The following CNTN1 variants were observed in gnomAD, a reference collection of about 807,000 sequenced individuals.
CNTN1 encodes the protein contactin 1.
Under a neutral mutation model 126.4 loss-of-function variants are expected in CNTN1, and 38 were observed. The ratio of observed to expected loss-of-function variants is 0.30; its 90% CI spans 0.23 to 0.39. CNTN1 has a LOEUF of 0.39. Among genes scored for constraint, CNTN1 ranks in the 10% least tolerant of loss-of-function variants. The pLI is 1.00. For synonymous variants in CNTN1, 413 were observed against 422.6 expected (o/e 0.98, Z 0.28); for missense variants, 1,009 against 1,248.4 (o/e 0.81, Z 2.89).
intron 1 of CNTN1, among the ~76,000 whole-genome samples, chr12:40,797,448 A>G (rs7964813): frequency 0.23 from 35,520 of 151,912 alleles, 4,726 homozygotes; most frequent in South Asian, 0.35. Context: ...GACAGAGAGT[A>G]TGTTAGGATA....
intron 1 of CNTN1, among the ~76,000 whole-genome samples, chr12:40,886,999 C>T (rs1414007932): frequency 2.6e-5 from 4 of 152,098 alleles, no homozygotes; most frequent in Admixed American, 2.6e-4. Flanking sequence ...AGTCAGGTAG[C>T]GTGATGCCTC....
chr12:40,942,645 A>G (rs1442192), intron 12 of CNTN1, among the ~76,000 whole-genome samples: 76,240 of 151,780 alleles, frequency 0.5, 19,194 homozygotes, highest in Middle Eastern at 0.6. Flanking sequence ...TCAGAGTTGG[A>G]GAGTGGCATA....
chr12:40,878,333 T>A (rs1943750392), intron 1 of CNTN1, among the ~76,000 whole-genome samples: 1 of 151,482 alleles, frequency 6.6e-6, no homozygotes, highest in Non-Finnish European at 1.5e-5. Context: ...CCCTGTTCTC[T>A]GATCATTCAC....
chr12:41,007,417 G>A (rs927977692), intron 17 of CNTN1, among the ~76,000 whole-genome samples: 2 of 152,130 alleles, frequency 1.3e-5, no homozygotes, highest in African/African-American at 4.8e-5. Flanking sequence ...ATATGAAGCA[G>A]CTATATCACC....
chr12:40,776,959 C>G (rs1462720032), intron 1 of CNTN1, among the ~76,000 whole-genome samples: 2 of 151,624 alleles, frequency 1.3e-5, no homozygotes, highest in African/African-American at 4.8e-5. Context: ...TCCCACCTCT[C>G]CCAGTCTTAA....
intron 23 of CNTN1, among the ~76,000 whole-genome samples, chr12:41,043,557 T>C (rs1406776821): frequency 6.6e-6 from 1 of 152,140 alleles, no homozygotes; most frequent in Non-Finnish European, 1.5e-5. Context: ...GGTGGGACTG[T>C]AAACTAGTTC....
rs1212778262 is a variant in CNTN1 at position 40,993,167 on chromosome 12, T to C, written c.2011T>C (p.Leu671=). ...GNMEAARAVD[L]IPWMEYEFRV... ...TATGGAGGCAGCAAGAGCAGTGGACTTAATCCCATGGATGGAGTATGAATT... is the reference window on the plus strand; with the variant it reads ...TATGGAGGCAGCAAGAGCAGTGGACCTAATCCCATGGATGGAGTATGAATT... The change falls in exon 17 of 24, where the codon TTA becomes CTA. Residue 671 remains leucine (L), a synonymous_variant. Coordinates refer to ENST00000551295, the MANE Select transcript of CNTN1 (RefSeq NM_001843.4). 1 of 1,613,756 alleles carries C rather than the reference T, an allele frequency of 6.2e-7. No homozygotes were observed. Among genetic ancestry groups the C allele is most frequent in the Non-Finnish European group, 8.5e-7 (1 of 1,179,634 alleles).
intron 1 of CNTN1, among the ~76,000 whole-genome samples, chr12:40,811,366 T>A (rs910890851): frequency 3.9e-5 from 6 of 152,204 alleles, no homozygotes; most frequent in African/African-American, 1.4e-4. Context: ...CCTGTAATTT[T>A]CTTTTCTTGT....
At chr12:41,069,214 C>A (rs1447413431) in intron 23 of CNTN1, among the ~76,000 whole-genome samples, 1 of 152,056 alleles carries the variant, frequency 6.6e-6, no homozygotes, top group African/African-American at 2.4e-5. Context: ...TACATCATTT[C>A]AATTTTTAAT....
At chr12:40,703,650 G>T (rs1591989676) in intron 1 of CNTN1, among the ~76,000 whole-genome samples, 1 of 152,282 alleles carries the variant, frequency 6.6e-6, no homozygotes, top group Non-Finnish European at 1.5e-5. Context: ...AAAGCTGCTT[G>T]TTCTTCAGTG....
intron 1 of CNTN1, among the ~76,000 whole-genome samples, chr12:40,717,125 C>T (rs1487502126): frequency 6.6e-6 from 1 of 152,028 alleles, no homozygotes; most frequent in African/African-American, 2.4e-5. Context: ...AAATAACTTG[C>T]ACATAGTCAT....
At position 40,707,227 on chromosome 12, in the gene CNTN1, C is replaced by CTTTTTTT. The variant is rs370984371; in HGVS notation, c.-77+14668_-77+14674dup. Among the ~76,000 whole-genome samples, 331 of 109,118 alleles carry CTTTTTTT rather than the reference C, an allele frequency of 3.0e-3. 14 individuals carry two copies. Among genetic ancestry groups the CTTTTTTT allele is most frequent in the African/African-American group, 4.1e-3 (108 of 26,078 alleles). 71.6% of individuals were successfully genotyped at this position (109,118 alleles called of 152,430 possible). ...TTCCTCTTTCATTTCTTTTCTTTTT[C>CTTTTTTT]TTTTTTTTTTTTTTTTTTTTTTTTT... On this transcript the variant is annotated intron_variant, in intron 1 of 23. Coordinates refer to ENST00000551295, the MANE Select transcript of CNTN1 (RefSeq NM_001843.4).
chr12:41,064,649 A>G (rs1950011589), intron 23 of CNTN1, among the ~76,000 whole-genome samples: 1 of 152,148 alleles, frequency 6.6e-6, no homozygotes. Context: ...AATAGAGAAG[A>G]CAAAAATCTG....
At chr12:40,726,601 C>G (rs117439031) in intron 1 of CNTN1, among the ~76,000 whole-genome samples, 3,737 of 152,214 alleles carry the variant, frequency 0.025, 61 homozygotes, top group Admixed American at 0.036. Flanking sequence ...CTGTTCCCAC[C>G]CTTGACACAT....
At chr12:41,019,808 A>G (rs1358038591) in intron 19 of CNTN1, among the ~76,000 whole-genome samples, 1 of 152,154 alleles carries the variant, frequency 6.6e-6, no homozygotes, top group East Asian at 1.9e-4. Context: ...GGGAAGTTTT[A>G]TTAATAATAT....
chr12:40,747,699 C>G (rs914996726), intron 1 of CNTN1, among the ~76,000 whole-genome samples: 3 of 151,976 alleles, frequency 2.0e-5, no homozygotes, highest in African/African-American at 4.8e-5. Flanking sequence ...TGTAAATTAA[C>G]AGAATAAATA....
intron 15 of CNTN1, chr12:40,972,729 G>A: frequency 1.2e-6 from 1 of 866,692 alleles, no homozygotes; most frequent in Non-Finnish European, 1.4e-6. Flanking sequence ...TGCCATTTTT[G>A]TAAGATGTTT....
At chr12:40,870,547 A>C (rs1943450133) in intron 1 of CNTN1, among the ~76,000 whole-genome samples, 1 of 152,176 alleles carries the variant, frequency 6.6e-6, no homozygotes, top group Non-Finnish European at 1.5e-5. Flanking sequence ...TTCCAAACCT[A>C]ACATTTCTGG....
At chr12:40,974,024 T>C (rs182620268) in intron 15 of CNTN1, among the ~76,000 whole-genome samples, 82 of 152,310 alleles carry the variant, frequency 5.4e-4, no homozygotes, top group Non-Finnish European at 1.0e-3. Flanking sequence ...AATGTCTAAA[T>C]TCCTCTTCAT....
Sources: gnomAD v4.1 joint callset for allele counts (sites outside exome capture counted in the v4.1 genomes callset) on GRCh38, gnomAD v4.1.1 for gene constraint, MANE v1.5 for transcripts, NCBI Gene and HGNC (gene_info 2026-07-23, HGNC 2026-07-21) for gene names.